Variants in OR9Q1 observed in about 807,000 individuals in gnomAD.
The protein encoded by OR9Q1 is olfactory receptor family 9 subfamily Q member 1.
For synonymous variants in OR9Q1, 153 were observed against 148.6 expected (o/e 1.03, Z -0.22); for missense variants, 374 against 378.8 (o/e 0.99, Z 0.11).
At chr11:58,118,504 A>T (rs776173707) in intron 2 of OR9Q1, 9 of 1,586,144 alleles carry the variant, frequency 5.7e-6, no homozygotes, top group Admixed American at 5.5e-5. Flanking sequence ...TTAGATCTAC[A>T]TGCTCAGGGA....
At chr11:58,115,954 T>C (rs1179414759) in intron 2 of OR9Q1, among the ~76,000 whole-genome samples, 2 of 152,210 alleles carry the variant, frequency 1.3e-5, no homozygotes, top group Non-Finnish European at 2.9e-5. Flanking sequence ...ACTTGTGTGA[T>C]TTAAAGCTTT....
Position 58,109,115 on chromosome 11 carries a change from G to C in OR9Q1, c.-15+53168G>C, listed in dbSNP as rs765961696. 2 of 501,746 alleles carry C rather than the reference G, an allele frequency of 4.0e-6. 1 individual carries two copies. The highest frequency in any genetic ancestry group is 3.0e-5 in the South Asian group (2 of 67,488). The allele number at this position is 501,746 out of a possible 1,614,324, so 31.1% of individuals were successfully genotyped here. A position where few individuals can be genotyped will look rare whatever the true frequency, so the allele number is the denominator to read the frequency against. ...CTGCTGCAGGCGAGCTTCAGCAGGGGTGGGAGGTCACAGAAGAAGAAGTTG... is the reference window on the plus strand; with the variant it reads ...CTGCTGCAGGCGAGCTTCAGCAGGGCTGGGAGGTCACAGAAGAAGAAGTTG... On this transcript the variant is annotated intron_variant, in intron 2 of 2. Transcript: ENST00000335397.
intron 1 of OR9Q1, among the ~76,000 whole-genome samples, chr11:58,029,425 C>A (rs1003373507): frequency 6.6e-6 from 1 of 152,160 alleles, no homozygotes; most frequent in African/African-American, 2.4e-5. Context: ...GCATCACTTC[C>A]CCCTTATTCT....
chr11:58,144,135 G>T (rs529944641), intron 2 of OR9Q1, among the ~76,000 whole-genome samples: 26 of 151,062 alleles, frequency 1.7e-4, no homozygotes, highest in Admixed American at 7.3e-4. Context: ...CCATTAACTC[G>T]TCATTTAACA....
At chr11:58,140,314 G>A (rs1430669945) in intron 2 of OR9Q1, among the ~76,000 whole-genome samples, 1 of 152,136 alleles carries the variant, frequency 6.6e-6, no homozygotes, top group East Asian at 1.9e-4. Context: ...GTCAATTTTG[G>A]CTTTTGTTGC....
At chr11:58,040,450 C>G (rs1853149360) in intron 1 of OR9Q1, among the ~76,000 whole-genome samples, 1 of 152,166 alleles carries the variant, frequency 6.6e-6, no homozygotes, top group African/African-American at 2.4e-5. Flanking sequence ...CTACCTGTCT[C>G]CTCTCAAAGA....
chr11:58,078,545 A>G (rs1181244231), intron 2 of OR9Q1: 2 of 152,246 alleles, frequency 1.3e-5, no homozygotes, highest in Non-Finnish European at 2.9e-5. Flanking sequence ...GGGCATTTCC[A>G]ACTCTGGGTA....
chr11:58,120,813 T>TATAC (rs1490795132), intron 2 of OR9Q1, among the ~76,000 whole-genome samples: 9 of 147,550 alleles, frequency 6.1e-5, no homozygotes, highest in Admixed American at 2.0e-4. Context: ...CATATATATA[T>TATAC]ATATATATAT....
chr11:58,135,843 C>G (rs1185283611), intron 2 of OR9Q1, among the ~76,000 whole-genome samples: 4 of 152,170 alleles, frequency 2.6e-5, no homozygotes, highest in Non-Finnish European at 4.4e-5. Flanking sequence ...ACAGTGTGTA[C>G]TATTATCAAG....
intron 2 of OR9Q1, among the ~76,000 whole-genome samples, chr11:58,087,273 C>T (rs1304178075): frequency 6.6e-6 from 1 of 151,702 alleles, no homozygotes; most frequent in Non-Finnish European, 1.5e-5. Flanking sequence ...CATCATCAAT[C>T]TCTGAAACCT....
In OR9Q1 at chr11:58,180,033, G is replaced by A. The variant is rs138122197; in HGVS notation, c.589G>A (p.Val197Met). The A allele has an allele frequency of 1.2e-6, 2 of 1,614,164 alleles. No individual in the cohort carries two copies. Among genetic ancestry groups the A allele is most frequent in the African/African-American group, 1.3e-5 (1 of 75,042 alleles). The change falls in exon 3 of 3, where the codon GTG becomes ATG. Residue 197 changes from valine to methionine, a missense_variant. Transcript: ENST00000335397. ...LTCGESYTQE[V>M]LIIMFAIFVI... The stretch of plus-strand genomic sequence containing the variant: ...CTGTGGGGAGAGCTACACTCAAGAA[G>A]TGCTGATTATTATGTTTGCCATTTT...
intron 2 of OR9Q1, among the ~76,000 whole-genome samples, chr11:58,066,462 T>C (rs1204969671): frequency 6.6e-6 from 1 of 152,098 alleles, no homozygotes; most frequent in Non-Finnish European, 1.5e-5. Context: ...TAGGCACACC[T>C]GCTGGGGCTT....
intron 1 of OR9Q1, among the ~76,000 whole-genome samples, chr11:58,027,142 G>T (rs1020550841): frequency 4.6e-5 from 7 of 152,170 alleles, no homozygotes; most frequent in Admixed American, 2.0e-4. Context: ...GGACTCACTG[G>T]GCTTCTGTGC....
At chr11:58,141,888 C>T (rs1274785760) in intron 2 of OR9Q1, among the ~76,000 whole-genome samples, 2 of 152,170 alleles carry the variant, frequency 1.3e-5, no homozygotes, top group Non-Finnish European at 2.9e-5. Flanking sequence ...AAGGACTTCT[C>T]TCTGTTATCA....
At chr11:58,089,263 G>T (rs1295464496) in intron 2 of OR9Q1, among the ~76,000 whole-genome samples, 1 of 151,750 alleles carries the variant, frequency 6.6e-6, no homozygotes, top group Non-Finnish European at 1.5e-5. Flanking sequence ...TTCTTCTAGG[G>T]TTTTTATGGT....
At chr11:58,043,272 AG>A (rs1344090211) in intron 1 of OR9Q1, among the ~76,000 whole-genome samples, 2 of 152,180 alleles carry the variant, frequency 1.3e-5, no homozygotes, top group Non-Finnish European at 2.9e-5. Flanking sequence ...AAAGGGCAAA[AG>A]GTATTTCCAA....
At chr11:58,032,081 C>T (rs1291061802) in intron 1 of OR9Q1, 1 of 551,222 alleles carries the variant, frequency 1.8e-6, no homozygotes. Flanking sequence ...AGGGGAACCA[C>T]AAAACACTGC....
intron 1 of OR9Q1, among the ~76,000 whole-genome samples, chr11:58,054,452 T>TA (rs1380153686): frequency 6.6e-6 from 1 of 152,202 alleles, no homozygotes; most frequent in African/African-American, 2.4e-5. Flanking sequence ...GTGCCATTTT[T>TA]ACCAATACCA....
intron 2 of OR9Q1, chr11:58,118,532 C>T (rs146574837): frequency 1.6e-5 from 26 of 1,611,472 alleles, no homozygotes; most frequent in East Asian, 4.5e-5. Context: ...AGTCTCCTAG[C>T]GACCTTTCTG....
Sources: allele counts gnomAD v4.1 joint callset (sites outside exome capture counted in the v4.1 genomes callset), GRCh38; gene constraint gnomAD v4.1.1; transcripts MANE v1.5; gene names NCBI Gene and HGNC (gene_info 2026-07-23, HGNC 2026-07-21).